HMG20A: variants seen among roughly 807,000 people sequenced by gnomAD.
The protein encoded by HMG20A is high mobility group protein 20A.
Under a neutral mutation model 43.9 loss-of-function variants are expected in HMG20A, and 17 were observed. The observed-to-expected ratio is 0.39, with a 90% confidence interval of 0.27 to 0.58. HMG20A has a LOEUF of 0.58. Ranked by LOEUF, HMG20A falls within the 20% of genes least tolerant of loss-of-function variation. HMG20A has a pLI of 0.59. For synonymous variants in HMG20A, 132 were observed against 147.5 expected (o/e 0.89, Z 0.76); for missense variants, 341 against 438.2 (o/e 0.78, Z 1.98).
At chr15:77,431,975 T>A (rs1245633421) in intron 1 of HMG20A, among the ~76,000 whole-genome samples, 4 of 152,232 alleles carry the variant, frequency 2.6e-5, no homozygotes, top group Non-Finnish European at 4.4e-5. Flanking sequence ...TTCCTTTTTT[T>A]AAAGCTGAAT....
At chr15:77,434,148 G>GGT (rs2142281108) in intron 1 of HMG20A, among the ~76,000 whole-genome samples, 1 of 152,238 alleles carries the variant, frequency 6.6e-6, no homozygotes, top group South Asian at 2.1e-4. Flanking sequence ...TTCATTGAAT[G>GGT]GTGCCTGGTT....
At chr15:77,478,058 A>G (rs2142359709) in intron 7 of HMG20A, 1 of 565,550 alleles carries the variant, frequency 1.8e-6, no homozygotes, top group South Asian at 2.1e-5. Flanking sequence ...GGGAATTGAA[A>G]CTGTTTGTTG....
intron 7 of HMG20A, among the ~76,000 whole-genome samples, chr15:77,477,965 G>A (rs1409118949): frequency 6.6e-6 from 1 of 152,162 alleles, no homozygotes; most frequent in Non-Finnish European, 1.5e-5. Context: ...TGCTTGGCCA[G>A]TCTCCCAGGA....
chr15:77,433,368 CAAAG>C (rs1463927569), intron 1 of HMG20A, among the ~76,000 whole-genome samples: 1 of 145,472 alleles, frequency 6.9e-6, no homozygotes, highest in African/African-American at 2.5e-5. Context: ...AAAATTTCTT[CAAAG>C]AAAACCAGGT....
chr15:77,481,233 C>A (rs1369324733), intron 9 of HMG20A, among the ~76,000 whole-genome samples: 11 of 152,156 alleles, frequency 7.2e-5, no homozygotes, highest in Admixed American at 6.5e-4. Flanking sequence ...GGATTACTAT[C>A]CTTCTAGGGA....
chr15:77,445,269 G>A (rs1436278071), intron 1 of HMG20A, among the ~76,000 whole-genome samples: 2 of 152,204 alleles, frequency 1.3e-5, no homozygotes, highest in Admixed American at 6.5e-5. Flanking sequence ...TTGAGCTGAA[G>A]AGCTGTGTAA....
chr15:77,439,040 G>A (rs1351840849), intron 1 of HMG20A, among the ~76,000 whole-genome samples: 2 of 152,108 alleles, frequency 1.3e-5, no homozygotes, highest in African/African-American at 4.8e-5. Flanking sequence ...TGATCCACCT[G>A]CCTCAGCCTC....
intron 1 of HMG20A, among the ~76,000 whole-genome samples, chr15:77,441,375 T>G (rs1012555708): frequency 2.0e-5 from 3 of 152,170 alleles, no homozygotes; most frequent in African/African-American, 7.2e-5. Context: ...TGGTTGTGAT[T>G]TTATATTGAA....
chr15:77,456,125 G>C (rs532620792), intron 1 of HMG20A, among the ~76,000 whole-genome samples: 1 of 152,204 alleles, frequency 6.6e-6, no homozygotes, highest in Non-Finnish European at 1.5e-5. Context: ...TGTGTTCTCT[G>C]AACTTCCTTT....
At chr15:77,478,961 C>T (rs959539677) in intron 8 of HMG20A, among the ~76,000 whole-genome samples, 2 of 152,226 alleles carry the variant, frequency 1.3e-5, no homozygotes, top group Non-Finnish European at 2.9e-5. Flanking sequence ...CTGTTACATG[C>T]AGCTGCTCAT....
At chr15:77,486,778 T>G (rs753613235), downstream of HMG20A, among the ~76,000 whole-genome samples, 1 of 152,148 alleles carries the variant, frequency 6.6e-6, no homozygotes, top group Non-Finnish European at 1.5e-5. Flanking sequence ...CCTGTACTAT[T>G]GTAAGAAGGA....
At chr15:77,510,694 C>T in the HMG20A span, among the ~76,000 whole-genome samples, 1 of 152,208 alleles carries the variant, frequency 6.6e-6, no homozygotes, top group Non-Finnish European at 1.5e-5. Context: ...CAGCTGCCAG[C>T]AGCTCCGGCA....
the HMG20A span, among the ~76,000 whole-genome samples, chr15:77,516,895 CA>C: frequency 6.6e-6 from 1 of 152,188 alleles, no homozygotes; most frequent in Non-Finnish European, 1.5e-5. Flanking sequence ...AGGTGCCAGG[CA>C]GGGGCACTGC....
chr15:77,493,818 G>A, the HMG20A span, among the ~76,000 whole-genome samples: 6 of 152,184 alleles, frequency 3.9e-5, no homozygotes, highest in Non-Finnish European at 7.4e-5. Context: ...CAGAGACAAC[G>A]ACTAGAAGAG....
Position 77,425,494 on chromosome 15 carries a change from C to T in HMG20A, c.-5+4490C>T, listed in dbSNP as rs139195514. Among the ~76,000 whole-genome samples the T allele has an allele frequency of 7.2e-5, 11 of 152,324 alleles. No individual in the cohort carries two copies. The East Asian group carries it at 1.9e-3, about 27-fold the overall frequency. ...AAAGAGTGAATAGTAAGTCATCATT[C>T]TCTCATTTGGGAGCTTCTTAGGGTG... On this transcript the variant is annotated intron_variant, in intron 1 of 9. Transcript: ENST00000336216.
intron 1 of HMG20A, chr15:77,447,779 G>A (rs909257736): frequency 6.6e-6 from 1 of 152,076 alleles, no homozygotes; most frequent in Non-Finnish European, 1.5e-5. Flanking sequence ...CACATCACTT[G>A]ACACCATACA....
intron 1 of HMG20A, among the ~76,000 whole-genome samples, chr15:77,427,975 T>C (rs946064860): frequency 1.3e-5 from 2 of 152,236 alleles, no homozygotes; most frequent in African/African-American, 4.8e-5. Flanking sequence ...CTAAGGCCAG[T>C]GTTTATTCTC....
rs533656964 is a variant in HMG20A at position 77,475,586 on chromosome 15, T to G, written c.616-1969T>G. Among the ~76,000 whole-genome samples, 38 of 152,360 alleles carry G rather than the reference T, an allele frequency of 2.5e-4. 1 individual carries two copies. The highest frequency in any genetic ancestry group is 3.5e-4 in the Non-Finnish European group (24 of 68,030). On this transcript the variant is annotated intron_variant, in intron 6 of 9. Coordinates refer to ENST00000336216, the MANE Select transcript of HMG20A (RefSeq NM_001304504.2). ...CGTATAGCTTAGGTAACTGATCTCA[T>G]GTAACTGCAGTTAAGTTGGAGATTG...
At chr15:77,497,828 A>G in the HMG20A span, among the ~76,000 whole-genome samples, 1 of 144,966 alleles carries the variant, frequency 6.9e-6, no homozygotes, top group South Asian at 2.2e-4. Context: ...TGTTTTCTGG[A>G]AGATTTTTAA....
Sources: allele counts gnomAD v4.1 joint callset (sites outside exome capture counted in the v4.1 genomes callset), GRCh38; gene constraint gnomAD v4.1.1; transcripts MANE v1.5; gene names NCBI Gene and HGNC (gene_info 2026-07-23, HGNC 2026-07-21).